The following EPHA5 variants were observed in gnomAD, a reference collection of about 807,000 sequenced individuals.
EPHA5 encodes EPH receptor A5, also known as ephrin type-A receptor 5.
Under a neutral mutation model 105.0 loss-of-function variants are expected in EPHA5, and 60 were observed. The observed-to-expected ratio is 0.57, with a 90% confidence interval of 0.46 to 0.71. The LOEUF is 0.71. EPHA5 is among the 30% of genes least tolerant of loss of function. The pLI is 0.00. For missense variants in EPHA5, 1,218 were observed against 1,274.7 expected, an observed-to-expected ratio of 0.96 and a Z score of 0.68; for synonymous variants, 513 against 449.1, an observed-to-expected ratio of 1.14 and a Z score of -1.80.
chr4:65,405,499 C>A (rs1007637844), intron 7 of EPHA5, among the ~76,000 whole-genome samples: 3 of 152,132 alleles, frequency 2.0e-5, no homozygotes, highest in African/African-American at 7.2e-5. Context: ...AGATTTGGAT[C>A]TCCAAATACC....
At chr4:65,597,063 G>T (rs896191330) in intron 3 of EPHA5, among the ~76,000 whole-genome samples, 2 of 152,010 alleles carry the variant, frequency 1.3e-5, no homozygotes, top group African/African-American at 4.8e-5. Flanking sequence ...CATTTTCCTC[G>T]CTGTGCAATC....
chr4:65,527,948 G>A (rs1466962423), intron 3 of EPHA5, among the ~76,000 whole-genome samples: 1 of 151,972 alleles, frequency 6.6e-6, no homozygotes, highest in Non-Finnish European at 1.5e-5. Context: ...GCAGTATTTG[G>A]TTTTCTGATC....
chr4:65,414,651 GACATACTGTCCACCCATCCGGAAT>G, intron 6 of EPHA5, among the ~76,000 whole-genome samples: 1 of 152,248 alleles, frequency 6.6e-6, no homozygotes, highest in East Asian at 1.9e-4. Flanking sequence ...GGTGGTGGGT[GACATACTGTCCACCCATCCGGAAT>G]ACATGTCTTC....
rs753118521 is a variant in EPHA5, at chr4:65,335,974, C to A, written c.2747G>T (p.Arg916Leu). Residue 916 changes from arginine (R) to leucine (L), a missense_variant, in exon 15 of 17, where the codon CGT (arginine) becomes CTT (leucine). By Grantham distance (102) the Arg-to-Leu change is moderately radical. Transcript: ENST00000613740. ...CAGCGTCTTCAGACTACTTGGGTTA[C>A]GTATCAGCTTGTCCAACATGTTGAC... ...EIVNMLDKLI[R>L]NPSSLKTLVN... 1 of 1,612,732 alleles carries A rather than the reference C, an allele frequency of 6.2e-7. No individual in the cohort carries two copies. Among genetic ancestry groups the A allele is most frequent in the Non-Finnish European group, 8.5e-7 (1 of 1,179,240 alleles).
At chr4:65,473,039 T>C (rs1227965269) in intron 5 of EPHA5, among the ~76,000 whole-genome samples, 5 of 152,174 alleles carry the variant, frequency 3.3e-5, no homozygotes, top group Non-Finnish European at 7.3e-5. Context: ...GTTCCACAGA[T>C]ATCTAGGGCA....
intron 3 of EPHA5, among the ~76,000 whole-genome samples, chr4:65,596,553 A>G (rs916448309): frequency 6.6e-6 from 1 of 152,176 alleles, no homozygotes; most frequent in African/African-American, 2.4e-5. Flanking sequence ...GAACTAATCT[A>G]AAAGTAGGCC....
At chr4:65,636,211 T>C (rs144123777) in intron 2 of EPHA5, among the ~76,000 whole-genome samples, 93 of 152,300 alleles carry the variant, frequency 6.1e-4, no homozygotes, top group African/African-American at 2.2e-3. Context: ...CTTGCAGAAA[T>C]TTGAGTAGCT....
chr4:65,621,313 T>C (rs1334498468), intron 2 of EPHA5, among the ~76,000 whole-genome samples: 1 of 152,108 alleles, frequency 6.6e-6, no homozygotes, highest in Non-Finnish European at 1.5e-5. Flanking sequence ...TATGTCACTG[T>C]GGCCAGAAGT....
intron 3 of EPHA5, among the ~76,000 whole-genome samples, chr4:65,500,855 T>C (rs1732417228): frequency 6.6e-6 from 1 of 150,848 alleles, no homozygotes; most frequent in African/African-American, 2.4e-5. Context: ...ACTATACATA[T>C]AAAGGAAATT....
At chr4:65,653,234 TAAAC>T (rs1245555213) in intron 1 of EPHA5, among the ~76,000 whole-genome samples, 1 of 152,006 alleles carries the variant, frequency 6.6e-6, no homozygotes, top group Non-Finnish European at 1.5e-5. Flanking sequence ...ATACCAAAAA[TAAAC>T]AAACAACTTG....
intron 4 of EPHA5, among the ~76,000 whole-genome samples, chr4:65,494,928 A>C (rs1290582996): frequency 6.6e-6 from 1 of 152,006 alleles, no homozygotes; most frequent in African/African-American, 2.4e-5. Flanking sequence ...CTACATAATT[A>C]TGTGATGGGA....
At chr4:65,375,089 G>A (rs1718860887) in intron 8 of EPHA5, among the ~76,000 whole-genome samples, 1 of 151,804 alleles carries the variant, frequency 6.6e-6, no homozygotes, top group African/African-American at 2.4e-5. Context: ...TTTTAGTCCT[G>A]ATTCCTACCC....
chr4:65,630,156 A>G (rs1466812867), intron 2 of EPHA5, among the ~76,000 whole-genome samples: 1 of 151,640 alleles, frequency 6.6e-6, no homozygotes, highest in Non-Finnish European at 1.5e-5. Flanking sequence ...GTTAGTAACT[A>G]TCTCTCTAAA....
intron 3 of EPHA5, among the ~76,000 whole-genome samples, chr4:65,511,272 A>G (rs909170203): frequency 6.6e-6 from 1 of 152,188 alleles, no homozygotes; most frequent in Admixed American, 6.6e-5. Context: ...GGTATCAACT[A>G]AGTTATGTCT....
intron 3 of EPHA5, among the ~76,000 whole-genome samples, chr4:65,592,659 CG>C (rs1364781892): frequency 6.6e-6 from 1 of 152,120 alleles, no homozygotes. Flanking sequence ...GGTGAGGTTT[CG>C]GGATGCAAAT....
At position 65,378,031 on chromosome 4, in the gene EPHA5, A is replaced by T. The variant is rs1719180895; in HGVS notation, c.1794-10607T>A. Among the ~76,000 whole-genome samples, 4 of 148,238 alleles carry T rather than the reference A, an allele frequency of 2.7e-5. No individual in the cohort carries two copies. The South Asian group carries it at 8.3e-4, about 31-fold the overall frequency. ...AATGTATCTATTCTTTTTTATATCAAAAAAAGTAAACAAAACATAAACTTC... is the reference window on the plus strand; with the variant it reads ...AATGTATCTATTCTTTTTTATATCATAAAAAGTAAACAAAACATAAACTTC... On this transcript the variant is annotated intron_variant, in intron 8 of 16. Coordinates refer to ENST00000613740, the MANE Select transcript of EPHA5 (RefSeq NM_001281766.3).
chr4:65,364,143 T>C (rs1717616476), intron 11 of EPHA5, among the ~76,000 whole-genome samples: 1 of 151,580 alleles, frequency 6.6e-6, no homozygotes, highest in Non-Finnish European at 1.5e-5. Context: ...CATCTAAGAT[T>C]TGAAGAAACC....
intron 3 of EPHA5, among the ~76,000 whole-genome samples, chr4:65,507,234 T>G (rs983900475): frequency 4.6e-5 from 7 of 152,150 alleles, no homozygotes; most frequent in Non-Finnish European, 7.3e-5. Flanking sequence ...ATATCTCTGT[T>G]TTGGTACCAG....
intron 3 of EPHA5, among the ~76,000 whole-genome samples, chr4:65,571,228 A>G (rs1400266552): frequency 1.3e-5 from 2 of 152,046 alleles, no homozygotes; most frequent in East Asian, 1.9e-4. Context: ...GGGAGACTAT[A>G]TCTTAAATTT....
Sources: allele counts gnomAD v4.1 joint callset (sites outside exome capture counted in the v4.1 genomes callset), GRCh38; gene constraint gnomAD v4.1.1; transcripts MANE v1.5; gene names NCBI Gene and HGNC (gene_info 2026-07-23, HGNC 2026-07-21).